The following LRP1B variants were observed in gnomAD, a reference collection of about 807,000 sequenced individuals.
LRP1B encodes the protein low-density lipoprotein receptor-related protein 1B.
A neutral mutation model predicts 556.6 loss-of-function variants in LRP1B; 217 were observed. That is an observed-to-expected ratio of 0.39 (90% CI 0.35 to 0.44). The LOEUF is 0.44. LRP1B is among the 20% of genes least tolerant of loss of function. The probability of loss-of-function intolerance (pLI) is 1.00; values close to 1 mark genes in which losing one functional copy is unlikely to be tolerated. For synonymous variants in LRP1B, 2,047 were observed against 1,865.8 expected (o/e 1.10, Z -2.50); for missense variants, 5,053 against 5,620.8 (o/e 0.90, Z 3.23).
rs181045475 is a variant in LRP1B, at chr2:141,781,328, C to A, written c.205+28951G>T. On this transcript the variant is annotated intron_variant, in intron 2 of 90. Transcript: ENST00000389484. Reference sequence around the variant, plus strand: ...TTAAAATGATGTCAAAATTATTAAACCCTAGTCGTGCAAAAAACAAATTTG... The same window carrying A: ...TTAAAATGATGTCAAAATTATTAAAACCTAGTCGTGCAAAAAACAAATTTG... Among the ~76,000 whole-genome samples the A allele has an allele frequency of 1.5e-3, 235 of 152,198 alleles. 1 individual carries two copies. The highest frequency in any genetic ancestry group is 5.0e-3 in the Admixed American group (77 of 15,282).
intron 7 of LRP1B, among the ~76,000 whole-genome samples, chr2:141,142,051 A>G (rs1701666370): frequency 6.6e-6 from 1 of 151,260 alleles, no homozygotes; most frequent in African/African-American, 2.4e-5. Context: ...TGATTCTCCT[A>G]AGGCATTGTT....
chr2:140,489,146 T>A (rs1232647744), intron 57 of LRP1B, among the ~76,000 whole-genome samples: 1 of 152,052 alleles, frequency 6.6e-6, no homozygotes, highest in Non-Finnish European at 1.5e-5. Context: ...TATTTTCCCT[T>A]CTCACAGCAG....
chr2:140,867,941 T>A, intron 26 of LRP1B, 107 bp from the exon 27 acceptor site: 3 of 1,326,088 alleles, frequency 2.3e-6, no homozygotes, highest in Non-Finnish European at 3.0e-6. Context: ...TTATAAATAT[T>A]TTTATGGGTC....
intron 83 of LRP1B, among the ~76,000 whole-genome samples, chr2:140,302,149 TTTTCTC>T (rs1172676762): frequency 6.6e-6 from 1 of 152,116 alleles, no homozygotes; most frequent in Admixed American, 6.5e-5. Flanking sequence ...TGTCTTTATG[TTTTCTC>T]TTTCTCTCAA....
At chr2:141,476,089 A>G (rs751277786) in intron 3 of LRP1B, among the ~76,000 whole-genome samples, 17 of 152,272 alleles carry the variant, frequency 1.1e-4, no homozygotes, top group Non-Finnish European at 2.2e-4. Context: ...TTGGGGCCAG[A>G]GCCCAAAAGT....
At chr2:141,229,737 GT>G (rs1683387941) in intron 5 of LRP1B, among the ~76,000 whole-genome samples, 1 of 152,146 alleles carries the variant, frequency 6.6e-6, no homozygotes, top group Non-Finnish European at 1.5e-5. Context: ...GGTGTGAATT[GT>G]TTTTCTAGAA....
chr2:141,412,012 G>T (rs1690870521), intron 3 of LRP1B, among the ~76,000 whole-genome samples: 2 of 151,498 alleles, frequency 1.3e-5, no homozygotes, highest in Non-Finnish European at 2.9e-5. Context: ...AATATAAAAA[G>T]GAACTATTAC....
intron 84 of LRP1B, among the ~76,000 whole-genome samples, chr2:140,286,346 A>G (rs1371020189): frequency 6.6e-6 from 1 of 151,832 alleles, no homozygotes; most frequent in African/African-American, 2.4e-5. Flanking sequence ...ATGGAGGAGT[A>G]AAAGAGGGAG....
intron 7 of LRP1B, among the ~76,000 whole-genome samples, chr2:141,184,782 G>T (rs907701240): frequency 6.6e-6 from 1 of 151,044 alleles, no homozygotes; most frequent in South Asian, 2.1e-4. Flanking sequence ...CATGCCCACC[G>T]AGCCATACTC....
intron 7 of LRP1B, among the ~76,000 whole-genome samples, chr2:141,117,236 ATTT>A (rs34197961): frequency 0.026 from 3,694 of 143,748 alleles, 49 homozygotes; most frequent in Middle Eastern, 0.051. Context: ...TGGCTACTTC[ATTT>A]TTTTTTTTTT....
intron 7 of LRP1B, among the ~76,000 whole-genome samples, chr2:141,129,266 G>T (rs559735329): frequency 2.6e-5 from 4 of 152,128 alleles, no homozygotes; most frequent in Non-Finnish European, 5.9e-5. Context: ...AAATCGTAAG[G>T]TATAAATATT....
intron 41 of LRP1B, among the ~76,000 whole-genome samples, chr2:140,647,149 C>T (rs536579708): frequency 6.6e-6 from 1 of 152,214 alleles, no homozygotes; most frequent in South Asian, 2.1e-4. Flanking sequence ...CCATATTCAT[C>T]AACAGTGTGC....
intron 2 of LRP1B, among the ~76,000 whole-genome samples, chr2:141,749,946 T>C (rs971521118): frequency 6.6e-6 from 1 of 152,086 alleles, no homozygotes; most frequent in African/African-American, 2.4e-5. Flanking sequence ...AGATATGAAA[T>C]GGAGCTTCCC....
intron 7 of LRP1B, among the ~76,000 whole-genome samples, chr2:141,152,724 T>C (rs1209955075): frequency 2.4e-4 from 37 of 151,804 alleles, no homozygotes; most frequent in Admixed American, 2.4e-3. Flanking sequence ...GATATTACTA[T>C]TCCAATAGTT....
chr2:141,076,053 G>A (rs1443980923), intron 7 of LRP1B, among the ~76,000 whole-genome samples: 1 of 152,150 alleles, frequency 6.6e-6, no homozygotes, highest in Non-Finnish European at 1.5e-5. Context: ...TGCTGTGAGG[G>A]GCAGATGTAC....
chr2:140,314,724 C>T (rs944363290), intron 83 of LRP1B, among the ~76,000 whole-genome samples: 1 of 152,084 alleles, frequency 6.6e-6, no homozygotes, highest in Non-Finnish European at 1.5e-5. Context: ...ATGGTACATA[C>T]TCAACCCAGA....
intron 35 of LRP1B, among the ~76,000 whole-genome samples, chr2:140,736,962 T>C (rs928602381): frequency 6.6e-6 from 1 of 152,122 alleles, no homozygotes; most frequent in Non-Finnish European, 1.5e-5. Context: ...CCTGAAGGAA[T>C]TGTAGAGCTA....
At chr2:140,374,588 A>C (rs1683137144) in intron 68 of LRP1B, among the ~76,000 whole-genome samples, 1 of 152,200 alleles carries the variant, frequency 6.6e-6, no homozygotes, top group African/African-American at 2.4e-5. Flanking sequence ...TGTTTTATTC[A>C]CCGCTGTATT....
intron 45 of LRP1B, 151 bp from the exon 46 acceptor site, chr2:140,536,860 T>C (rs1388396993): frequency 1.0e-5 from 7 of 697,404 alleles, no homozygotes; most frequent in Non-Finnish European, 1.6e-5. Context: ...GACATTTCTT[T>C]ATGAAATTAA....
Sources: gnomAD v4.1 joint callset for allele counts (sites outside exome capture counted in the v4.1 genomes callset) on GRCh38, gnomAD v4.1.1 for gene constraint, MANE v1.5 for transcripts, NCBI Gene and HGNC (gene_info 2026-07-23, HGNC 2026-07-21) for gene names.